IQSEC1: variants seen among roughly 807,000 people sequenced by gnomAD.
IQSEC1 encodes the protein IQ motif and SEC7 domain-containing protein 1.
A neutral mutation model predicts 91.0 loss-of-function variants in IQSEC1; 31 were observed. The ratio of observed to expected loss-of-function variants is 0.34; its 90% CI spans 0.26 to 0.46. The LOEUF (loss-of-function observed/expected upper bound fraction) is 0.46. IQSEC1 is among the 20% of genes least tolerant of loss of function. The pLI, the probability that IQSEC1 is intolerant of heterozygous loss-of-function variation, is 1.00. For synonymous variants in IQSEC1, 699 were observed against 662.6 expected (o/e 1.05, Z -0.84); for missense variants, 1,388 against 1,575.6 (o/e 0.88, Z 2.02).
At chr3:13,239,549 A>C (rs936932611) in intron 1 of IQSEC1, among the ~76,000 whole-genome samples, 19 of 152,234 alleles carry the variant, frequency 1.2e-4, no homozygotes, top group African/African-American at 4.6e-4. Flanking sequence ...ACTCTCAGCA[A>C]CTTGGGGCAG....
chr3:13,057,543 G>T (rs1704920835), intron 1 of IQSEC1, among the ~76,000 whole-genome samples: 2 of 152,182 alleles, frequency 1.3e-5, no homozygotes, highest in African/African-American at 4.8e-5. Context: ...ACATGCACAC[G>T]GGCTCTTCCA....
At chr3:13,031,603 CCTA>C (rs1703844879) in intron 1 of IQSEC1, among the ~76,000 whole-genome samples, 1 of 152,186 alleles carries the variant, frequency 6.6e-6, no homozygotes, top group African/African-American at 2.4e-5. Flanking sequence ...TGCTTGAGAA[CCTA>C]CTGTGTGCCA....
intron 2 of IQSEC1, among the ~76,000 whole-genome samples, chr3:13,140,103 C>G (rs896726541): frequency 1.6e-4 from 25 of 152,338 alleles, no homozygotes; most frequent in African/African-American, 5.8e-4. Context: ...AGCTCCCCAC[C>G]TGGAAGATTC....
intron 1 of IQSEC1, among the ~76,000 whole-genome samples, chr3:13,221,978 A>G (rs1166147270): frequency 6.6e-6 from 1 of 152,244 alleles, no homozygotes; most frequent in African/African-American, 2.4e-5. Context: ...CCCAGCCTAC[A>G]GCCCTGCAAC....
intron 1 of IQSEC1, among the ~76,000 whole-genome samples, chr3:12,954,059 C>A (rs536759158): frequency 6.6e-6 from 1 of 152,346 alleles, no homozygotes; most frequent in East Asian, 1.9e-4. Flanking sequence ...GTCCTGTGAA[C>A]CCAGGGCCAC....
intron 1 of IQSEC1, among the ~76,000 whole-genome samples, chr3:13,046,586 C>T (rs1385991019): frequency 2.0e-5 from 3 of 152,192 alleles, no homozygotes; most frequent in African/African-American, 7.2e-5. Flanking sequence ...TGTTCAAAAA[C>T]CCCCTCTCCC....
intron 1 of IQSEC1, among the ~76,000 whole-genome samples, chr3:13,057,977 A>G (rs1454473102): frequency 6.6e-6 from 1 of 152,256 alleles, no homozygotes; most frequent in Non-Finnish European, 1.5e-5. Context: ...TCTCATTAAG[A>G]AAAAACATTT....
chr3:13,204,723 CTCTT>C (rs1195550316), intron 1 of IQSEC1, among the ~76,000 whole-genome samples: 10 of 151,714 alleles, frequency 6.6e-5, no homozygotes, highest in Non-Finnish European at 8.8e-5. Flanking sequence ...TTTTCTCTAT[CTCTT>C]TCTTTCTATC....
At chr3:13,108,098 C>T (rs532653701) in intron 2 of IQSEC1, among the ~76,000 whole-genome samples, 2 of 152,238 alleles carry the variant, frequency 1.3e-5, no homozygotes, top group South Asian at 2.1e-4. Context: ...TACCTTTCTG[C>T]GAATTTCCCC....
intron 2 of IQSEC1, among the ~76,000 whole-genome samples, chr3:13,144,228 A>G (rs955012477): frequency 1.3e-5 from 2 of 152,338 alleles, no homozygotes; most frequent in African/African-American, 4.8e-5. Context: ...GGCTCAGGAC[A>G]TGGAGGGAAC....
In IQSEC1 at chr3:13,014,614, G is replaced by T. The variant is rs536465480; in HGVS notation, c.23+58378C>A. Reference sequence around the variant, plus strand: ...TGCCCCCAAGAGCCAGGGCTGGGGTGGGGGAGGCTTGGCTGGGAGTGAGAG... The same window carrying T: ...TGCCCCCAAGAGCCAGGGCTGGGGTTGGGGAGGCTTGGCTGGGAGTGAGAG... On this transcript the variant is annotated intron_variant, in intron 1 of 13. Coordinates refer to ENST00000613206, the MANE Select transcript of IQSEC1 (RefSeq NM_001134382.3). Among the ~76,000 whole-genome samples, 19 of 152,302 alleles carry T rather than the reference G, an allele frequency of 1.2e-4. No individual in the cohort carries two copies. In the South Asian group the frequency reaches 2.9e-3, roughly 23 times the overall value.
chr3:12,900,964 G>T lies in IQSEC1; in HGVS notation c.*19C>A. On this transcript the variant is annotated 3_prime_UTR_variant, in exon 14 of 14. Coordinates refer to ENST00000613206, the MANE Select transcript of IQSEC1 (RefSeq NM_001134382.3). ...GTGTGCAGGTGTTTCAGGGAGCCTG[G>T]GACCCCTACCCAGGCTGTCTACACA... 6.5e-7 allele frequency: 1 copy of T among 1,542,040 alleles called. No individual in the cohort carries two copies. The highest frequency in any genetic ancestry group is 8.7e-7 in the Non-Finnish European group (1 of 1,146,782).
intron 1 of IQSEC1, among the ~76,000 whole-genome samples, chr3:12,962,854 T>G (rs1265475213): frequency 6.6e-6 from 1 of 152,186 alleles, no homozygotes; most frequent in Non-Finnish European, 1.5e-5. Flanking sequence ...CGGTGAGTGG[T>G]CATCAACCAG....
At chr3:13,153,962 A>G (rs1421768859) in intron 2 of IQSEC1, among the ~76,000 whole-genome samples, 1 of 152,074 alleles carries the variant, frequency 6.6e-6, no homozygotes, top group Non-Finnish European at 1.5e-5. Flanking sequence ...TGGGAGGGGA[A>G]GGCTGGAGTG....
chr3:13,193,057 T>C lies in IQSEC1; in HGVS notation c.273-28924A>G, dbSNP rs1694063949. Among the ~76,000 whole-genome samples the C allele has an allele frequency of 6.6e-6, 1 of 152,204 alleles. No homozygotes were observed. Among genetic ancestry groups the C allele is most frequent in the Non-Finnish European group, 1.5e-5 (1 of 68,036 alleles). ...TGGCCATGTAGCTGCATGCAGTGCA[T>C]CCTCCAGCCCCTAGTGGCCAGACAG... On this transcript the variant is annotated intron_variant, in intron 1 of 15. Transcript: ENST00000648114. This position sits in a 1 kb window ranked among gnomAD's most constrained non-coding sequence, Gnocchi z 4.2.
At chr3:12,957,458 A>G (rs1699981590) in intron 1 of IQSEC1, among the ~76,000 whole-genome samples, 1 of 152,224 alleles carries the variant, frequency 6.6e-6, no homozygotes, top group Non-Finnish European at 1.5e-5. Flanking sequence ...TTCCCGGCTG[A>G]GCCAAATTAA....
intron 1 of IQSEC1, among the ~76,000 whole-genome samples, chr3:13,232,863 C>T (rs569465281): frequency 6.6e-6 from 1 of 152,170 alleles, no homozygotes; most frequent in South Asian, 2.1e-4. Flanking sequence ...AGCCTGAGGA[C>T]ACTATGTGAA....
chr3:13,073,060 G>C lies in IQSEC1; in HGVS notation c.-46C>G. 1 of 1,551,418 alleles carries C rather than the reference G, an allele frequency of 6.4e-7. No individual in the cohort carries two copies. Among genetic ancestry groups the C allele is most frequent in the Non-Finnish European group, 8.7e-7 (1 of 1,146,704 alleles). ...CCTGTTCTGGCTCCCTCTCCAGCGG[G>C]GAGGCTCAACGTGTTTCCAAGAGGA... On this transcript the variant is annotated 5_prime_UTR_variant, in exon 1 of 14. Coordinates refer to ENST00000613206, the MANE Select transcript of IQSEC1 (RefSeq NM_001134382.3).
Position 12,940,020 on chromosome 3 carries a change from T to A in IQSEC1, c.318+1551A>T, listed in dbSNP as rs1200527928. Among the ~76,000 whole-genome samples the A allele has an allele frequency of 6.6e-6, 1 of 152,206 alleles. No homozygotes were observed. The highest frequency in any genetic ancestry group is 1.5e-5 in the Non-Finnish European group (1 of 68,028). On this transcript the variant is annotated intron_variant, in intron 2 of 13. Transcript: ENST00000613206. This position sits in a 1 kb window ranked among gnomAD's most constrained non-coding sequence, Gnocchi z 4.4. ...ATGGAATGAAAATGAATAGCTGCAG[T>A]CCTATTAGGCCCACAGTAAGCATAT...
Sources: gnomAD v4.1 joint callset for allele counts (sites outside exome capture counted in the v4.1 genomes callset) on GRCh38, gnomAD v4.1.1 for gene constraint, Gnocchi (gnomAD v3.1) non-coding constraint, MANE v1.5 for transcripts, NCBI Gene and HGNC (gene_info 2026-07-23, HGNC 2026-07-21) for gene names.